PIP4K2A: variants seen among roughly 807,000 people sequenced by gnomAD.
The protein encoded by PIP4K2A is phosphatidylinositol-5-phosphate 4-kinase type 2 alpha, also known as phosphatidylinositol 5-phosphate 4-kinase type-2 alpha.
A neutral mutation model predicts 42.9 loss-of-function variants in PIP4K2A; 14 were observed. The observed-to-expected ratio is 0.33, with a 90% CI of 0.22 to 0.51. The LOEUF is 0.51. Among genes scored for constraint, PIP4K2A ranks in the 20% least tolerant of loss-of-function variants. The pLI is 0.97. For missense variants in PIP4K2A, 434 were observed against 519.8 expected (o/e 0.83, Z 1.61); for synonymous variants, 192 against 192.2 (o/e 1.00, Z 0.01).
rs1205514188 is a variant in PIP4K2A, at chr10:22,607,945, A to G, written c.321T>C (p.Ile107=). The G allele has an allele frequency of 1.2e-6, 2 of 1,611,640 alleles. No individual in the cohort carries two copies. Among genetic ancestry groups the G allele is most frequent in the African/African-American group, 1.3e-5 (1 of 74,886 alleles). Residue 107 remains isoleucine, a synonymous_variant, in exon 3 of 10, where the codon ATT becomes ATC. Coordinates refer to ENST00000376573, the MANE Select transcript of PIP4K2A (RefSeq NM_005028.5). ...VFRNLRERFG[I]DDQDFQNSLT... Reference sequence around the variant, plus strand: ...AACTCACCTGGAAATCTTGATCATCAATTCCAAACCTCTCCCGCAGGTTAC... The same window carrying G: ...AACTCACCTGGAAATCTTGATCATCGATTCCAAACCTCTCCCGCAGGTTAC...
At chr10:22,611,353 G>A (rs1343347876) in intron 1 of PIP4K2A, among the ~76,000 whole-genome samples, 2 of 151,746 alleles carry the variant, frequency 1.3e-5, no homozygotes, top group Non-Finnish European at 2.9e-5. Flanking sequence ...TTGTACCACT[G>A]CACTCCAGCC....
chr10:22,619,169 T>C (rs540946665), intron 1 of PIP4K2A, among the ~76,000 whole-genome samples: 1 of 148,248 alleles, frequency 6.7e-6, no homozygotes, highest in African/African-American at 2.5e-5. Context: ...TTAAGAACTT[T>C]AAAAAAAAAA....
chr10:22,678,835 T>C (rs1453432284), intron 1 of PIP4K2A, among the ~76,000 whole-genome samples: 4 of 152,232 alleles, frequency 2.6e-5, no homozygotes, highest in Admixed American at 2.0e-4. Flanking sequence ...TGTCTATCAA[T>C]AGGAAATGGT....
chr10:22,683,782 C>T (rs1410947750), intron 1 of PIP4K2A, among the ~76,000 whole-genome samples: 1 of 151,666 alleles, frequency 6.6e-6, no homozygotes, highest in East Asian at 1.9e-4. Flanking sequence ...CTCTTTCAGT[C>T]GCCCCTCCCT....
chr10:22,671,927 AATAAT>A lies in PIP4K2A; in HGVS notation c.144+42251_144+42255del, dbSNP rs754016469. Reference sequence around the variant, plus strand: ...AGAGGAATAAATTATTAAAATAACTAATAATATAATATTTGTTAATGTGAAATAAT... The same window carrying A: ...AGAGGAATAAATTATTAAAATAACTAATAATATTTGTTAATGTGAAATAAT... On this transcript the variant is annotated intron_variant, in intron 1 of 9. Transcript: ENST00000376573. Among the ~76,000 whole-genome samples, 6 of 152,298 alleles carry A rather than the reference AATAAT, an allele frequency of 3.9e-5. No individual in the cohort carries two copies. The South Asian group carries it at 6.2e-4, about 16-fold the overall frequency.
At chr10:22,569,925 A>G (rs1350589607) in intron 5 of PIP4K2A, among the ~76,000 whole-genome samples, 1 of 152,226 alleles carries the variant, frequency 6.6e-6, no homozygotes, top group Non-Finnish European at 1.5e-5. Context: ...GCAAGAACAG[A>G]GTTTATCTAT....
intron 5 of PIP4K2A, among the ~76,000 whole-genome samples, chr10:22,572,442 C>A (rs1366755719): frequency 1.3e-5 from 2 of 152,086 alleles, no homozygotes; most frequent in African/African-American, 4.8e-5. Flanking sequence ...ATGGTGAAAT[C>A]CTGTCTCCAC....
chr10:22,570,419 A>G (rs1023379001), intron 5 of PIP4K2A, among the ~76,000 whole-genome samples: 2 of 152,246 alleles, frequency 1.3e-5, no homozygotes, highest in Non-Finnish European at 2.9e-5. Flanking sequence ...CAGTACCGCC[A>G]AGGCTTCACG....
chr10:22,670,247 T>C (rs1244024563), intron 1 of PIP4K2A, among the ~76,000 whole-genome samples: 2 of 152,088 alleles, frequency 1.3e-5, no homozygotes, highest in African/African-American at 4.8e-5. Context: ...GGCATGGTGG[T>C]GCGCCCCTGT....
chr10:22,649,627 GGCTCAT>G lies in PIP4K2A; in HGVS notation c.145-39916_145-39911del, dbSNP rs576003410. ...AAGTCTGAAAGCATTAGCACACGCA[GGCTCAT>G]GGTTAACCCGAACATCCTGACTTAG... On this transcript the variant is annotated intron_variant, in intron 1 of 9. Coordinates refer to ENST00000376573, the MANE Select transcript of PIP4K2A (RefSeq NM_005028.5). Among the ~76,000 whole-genome samples the G allele has an allele frequency of 5.3e-5, 8 of 152,278 alleles. No homozygotes were observed. In the East Asian group the frequency reaches 1.5e-3, roughly 29 times the overall value.
In PIP4K2A at chr10:22,670,762, T is replaced by C. The variant is rs891890372; in HGVS notation, c.144+43421A>G. On this transcript the variant is annotated intron_variant, in intron 1 of 9. Transcript: ENST00000376573. ...TAGCCTTTTCACATATTACAACCAG[T>C]TGATATGAATCATTACAAACACTTG... Among the ~76,000 whole-genome samples the C allele has an allele frequency of 4.7e-4, 72 of 152,230 alleles. 1 individual carries two copies. The highest frequency in any genetic ancestry group is 4.6e-3 in the Admixed American group (71 of 15,270).
At chr10:22,572,008 CTACA>C (rs1836999714) in intron 5 of PIP4K2A, among the ~76,000 whole-genome samples, 1 of 152,120 alleles carries the variant, frequency 6.6e-6, no homozygotes, top group South Asian at 2.1e-4. Context: ...TTTAAAGAAA[CTACA>C]TATTCTAATA....
At chr10:22,683,893 T>C (rs1448652989) in intron 1 of PIP4K2A, among the ~76,000 whole-genome samples, 1 of 151,258 alleles carries the variant, frequency 6.6e-6, no homozygotes, top group Non-Finnish European at 1.5e-5. Flanking sequence ...GTGTGTCAGA[T>C]CTTGAAATAT....
At chr10:22,684,240 A>T (rs916224512) in intron 1 of PIP4K2A, among the ~76,000 whole-genome samples, 1 of 152,184 alleles carries the variant, frequency 6.6e-6, no homozygotes, top group Non-Finnish European at 1.5e-5. Context: ...AAATTTAGGC[A>T]ATCTCAAAGA....
At chr10:22,550,583 G>C in intron 7 of PIP4K2A, 76 bp downstream of exon 7, 1 of 824,504 alleles carries the variant, frequency 1.2e-6, no homozygotes, top group Non-Finnish European at 2.1e-6. Flanking sequence ...TTAAATAGAT[G>C]GTTTAAAAAG....
intron 1 of PIP4K2A, among the ~76,000 whole-genome samples, chr10:22,612,471 A>G (rs534733763): frequency 6.6e-6 from 1 of 152,312 alleles, no homozygotes; most frequent in African/African-American, 2.4e-5. Flanking sequence ...GACACTGTTA[A>G]TGGGAAAACA....
At chr10:22,627,830 G>GT (rs1311884667) in intron 1 of PIP4K2A, among the ~76,000 whole-genome samples, 1 of 152,066 alleles carries the variant, frequency 6.6e-6, no homozygotes, top group African/African-American at 2.4e-5. Flanking sequence ...TAGGGAGAAT[G>GT]TAAGAATATA....
intron 1 of PIP4K2A, among the ~76,000 whole-genome samples, chr10:22,710,985 T>G (rs1453516363): frequency 6.6e-6 from 1 of 152,228 alleles, no homozygotes; most frequent in Non-Finnish European, 1.5e-5. Flanking sequence ...TATTAAAATA[T>G]CATCTTAAGA....
intron 1 of PIP4K2A, among the ~76,000 whole-genome samples, chr10:22,672,121 G>T (rs1479831722): frequency 6.6e-6 from 1 of 152,032 alleles, no homozygotes; most frequent in Non-Finnish European, 1.5e-5. Context: ...TCCTACTACA[G>T]AAAAAGACCG....
Sources: allele counts gnomAD v4.1 joint callset (sites outside exome capture counted in the v4.1 genomes callset), GRCh38; gene constraint gnomAD v4.1.1; transcripts MANE v1.5; gene names NCBI Gene and HGNC (gene_info 2026-07-23, HGNC 2026-07-21).